HDAC9: variants seen among roughly 807,000 people sequenced by gnomAD.
HDAC9 encodes MEF-2 interacting transcription repressor (MITR) protein.
In HDAC9, 41 loss-of-function variants were observed where a neutral mutation model predicts 139.4. The ratio of observed to expected loss-of-function variants is 0.29; its 90% CI spans 0.23 to 0.38. The LOEUF (loss-of-function observed/expected upper bound fraction) is 0.38. HDAC9 is among the 10% of genes least tolerant of loss of function. The probability of loss-of-function intolerance (pLI) is 1.00; values close to 1 mark genes in which losing one functional copy is unlikely to be tolerated. For missense variants in HDAC9, 1,147 were observed against 1,297.0 expected (o/e 0.88, Z 1.78); for synonymous variants, 517 against 476.2 (o/e 1.09, Z -1.12).
At chr7:18,520,282 G>C (rs1048154808) in intron 2 of HDAC9, among the ~76,000 whole-genome samples, 5 of 152,148 alleles carry the variant, frequency 3.3e-5, no homozygotes, top group Non-Finnish European at 5.9e-5. Context: ...ACCTCTTGCA[G>C]GTAACTTTTT....
intron 1 of HDAC9, among the ~76,000 whole-genome samples, chr7:18,100,334 G>T (rs1259194179): frequency 6.6e-6 from 1 of 151,620 alleles, no homozygotes; most frequent in Non-Finnish European, 1.5e-5. Flanking sequence ...GGGCCTGAGG[G>T]TTAATAGTTT....
chr7:18,582,059 A>G (rs1828005124), intron 2 of HDAC9, among the ~76,000 whole-genome samples: 1 of 152,228 alleles, frequency 6.6e-6, no homozygotes, highest in Non-Finnish European at 1.5e-5. Context: ...GCACATGCAC[A>G]TGGACATTCA....
intron 16 of HDAC9, among the ~76,000 whole-genome samples, chr7:18,784,546 C>T (rs1382036353): frequency 2.6e-5 from 4 of 151,754 alleles, no homozygotes; most frequent in African/African-American, 9.7e-5. Flanking sequence ...CAGGTGCTTG[C>T]CCCAGACATT....
chr7:18,472,072 C>T (rs1446365481), intron 1 of HDAC9, among the ~76,000 whole-genome samples: 1 of 152,196 alleles, frequency 6.6e-6, no homozygotes, highest in African/African-American at 2.4e-5. Flanking sequence ...CTAATTGTTA[C>T]AGACTTCCTC....
intron 8 of HDAC9, 147 bp downstream of exon 8, chr7:18,634,889 G>A: frequency 1.8e-6 from 1 of 541,164 alleles, no homozygotes; most frequent in Non-Finnish European, 3.3e-6. Context: ...TAAACCAATT[G>A]AAAAAAATTG....
intron 24 of HDAC9, among the ~76,000 whole-genome samples, chr7:18,973,246 CT>C (rs376426885): frequency 3.5e-3 from 527 of 152,240 alleles, no homozygotes; most frequent in African/African-American, 0.012. Flanking sequence ...TTCCTCTAGT[CT>C]TTATAATTTG....
chr7:18,106,224 C>G (rs182710710), intron 1 of HDAC9, among the ~76,000 whole-genome samples: 1 of 152,028 alleles, frequency 6.6e-6, no homozygotes, highest in African/African-American at 2.4e-5. Context: ...TGAATGATAC[C>G]TCAGAAAAAG....
At chr7:18,194,913 G>A (rs372976327) in intron 2 of HDAC9, among the ~76,000 whole-genome samples, 2 of 151,686 alleles carry the variant, frequency 1.3e-5, no homozygotes, top group African/African-American at 4.9e-5. Flanking sequence ...GTTATAGGAG[G>A]CAAAGAGAAT....
chr7:18,645,483 G>A (rs1678086392), intron 9 of HDAC9, among the ~76,000 whole-genome samples: 1 of 152,074 alleles, frequency 6.6e-6, no homozygotes, highest in South Asian at 2.1e-4. Context: ...TCCTTGTTCT[G>A]GACTCTTTGC....
intron 1 of HDAC9, among the ~76,000 whole-genome samples, chr7:18,146,005 C>T (rs1786292933): frequency 6.6e-6 from 1 of 152,068 alleles, no homozygotes; most frequent in Non-Finnish European, 1.5e-5. Context: ...ATATATAAGA[C>T]TGTTGATTCA....
chr7:18,731,171 A>G (rs981106575), intron 13 of HDAC9, among the ~76,000 whole-genome samples: 2 of 152,210 alleles, frequency 1.3e-5, no homozygotes, highest in African/African-American at 4.8e-5. Flanking sequence ...TTTTCCAGTT[A>G]ATATTCTCAA....
intron 1 of HDAC9, among the ~76,000 whole-genome samples, chr7:18,410,768 T>A (rs1788468508): frequency 6.6e-6 from 1 of 152,144 alleles, no homozygotes; most frequent in Non-Finnish European, 1.5e-5. Context: ...TTTAAGAAGG[T>A]GGGAATAGAG....
At chr7:18,226,324 A>T (rs1793051891) in intron 2 of HDAC9, among the ~76,000 whole-genome samples, 2 of 152,188 alleles carry the variant, frequency 1.3e-5, no homozygotes, top group Admixed American at 1.3e-4. Context: ...GGACAACTGC[A>T]GGCTCCCCTG....
chr7:18,307,740 T>C (rs1799025370), intron 1 of HDAC9, among the ~76,000 whole-genome samples: 2 of 152,088 alleles, frequency 1.3e-5, no homozygotes, highest in Non-Finnish European at 2.9e-5. Context: ...GAGGCAGAGG[T>C]TGCAGTGAGC....
intron 1 of HDAC9, among the ~76,000 whole-genome samples, chr7:18,393,216 A>G (rs971850699): frequency 6.6e-6 from 1 of 152,130 alleles, no homozygotes. Flanking sequence ...TTAGGCTAAG[A>G]AGAAGAGTGA....
intron 23 of HDAC9, among the ~76,000 whole-genome samples, chr7:18,947,930 A>G (rs181770324): frequency 1.2e-3 from 178 of 152,152 alleles, no homozygotes; most frequent in African/African-American, 3.9e-3. Context: ...TAACATATCA[A>G]CTTTCCAAAC....
intron 17 of HDAC9, among the ~76,000 whole-genome samples, chr7:18,822,393 C>T (rs913114455): frequency 1.1e-4 from 17 of 152,048 alleles, no homozygotes; most frequent in Admixed American, 3.9e-4. Context: ...TCACTCTTGT[C>T]GCCCAGGCTG....
intron 6 of HDAC9, among the ~76,000 whole-genome samples, chr7:18,616,392 A>T (rs1838616343): frequency 6.6e-6 from 1 of 152,168 alleles, no homozygotes; most frequent in African/African-American, 2.4e-5. Context: ...CGATGCCTTT[A>T]TCCGGGCAGT....
chr7:18,492,653 A>G (rs957089231), upstream of HDAC9, among the ~76,000 whole-genome samples: 5 of 151,926 alleles, frequency 3.3e-5, no homozygotes, highest in Non-Finnish European at 7.4e-5. Context: ...ACCTAGCCTG[A>G]CATTTGTATT....
Sources: gnomAD v4.1 joint callset for allele counts (sites outside exome capture counted in the v4.1 genomes callset) on GRCh38, gnomAD v4.1.1 for gene constraint, MANE v1.5 for transcripts, NCBI Gene and HGNC (gene_info 2026-07-23, HGNC 2026-07-21) for gene names.